Variants in NFU1 observed in about 807,000 individuals in gnomAD.
NFU1 encodes NFU1 iron-sulfur cluster scaffold homolog, mitochondrial.
In NFU1, 30 loss-of-function variants were observed where a neutral mutation model predicts 32.2. The ratio of observed to expected loss-of-function variants is 0.93; its 90% confidence interval spans 0.70 to 1.26. The LOEUF (loss-of-function observed/expected upper bound fraction) is 1.26. Ranked by LOEUF, NFU1 falls within the 50% of genes most tolerant of loss-of-function variation. The pLI, the probability that NFU1 is intolerant of heterozygous loss-of-function variation, is 0.00. For synonymous variants in NFU1, 112 were observed against 104.6 expected (o/e 1.07, Z -0.43); for missense variants, 306 against 306.6 (o/e 1.00, Z 0.02).
At chr2:69,411,528 G>A (rs1395024482) in intron 5 of NFU1, among the ~76,000 whole-genome samples, 1 of 152,090 alleles carries the variant, frequency 6.6e-6, no homozygotes, top group Non-Finnish European at 1.5e-5. Flanking sequence ...GATATCATTT[G>A]CTAAGAAAAT....
rs1673660133 is a variant in NFU1 at position 69,432,141 on chromosome 2, T to A, written c.63-136A>T. Reference sequence around the variant, plus strand: ...CAATAGAAATAATTAGAGAACTGACTTTTCATCTTCCATCTACATTATTTC... The same window carrying A: ...CAATAGAAATAATTAGAGAACTGACATTTCATCTTCCATCTACATTATTTC... On this transcript the variant is annotated intron_variant, in intron 1 of 7. Transcript: ENST00000410022. 3.5e-5 allele frequency: 23 copies of A among 661,600 alleles called. No individual in the cohort carries two copies. In the South Asian group the frequency reaches 3.9e-4, roughly 11 times the overall value. The allele number at this position is 661,600 out of a possible 1,614,324, so 41.0% of individuals were successfully genotyped here.
chr2:69,402,170 T>C (rs1034362684), intron 6 of NFU1, among the ~76,000 whole-genome samples: 3 of 152,158 alleles, frequency 2.0e-5, no homozygotes, highest in African/African-American at 7.2e-5. Context: ...GCCGGGATTA[T>C]GGGTGTCAGC....
At chr2:69,437,150 C>G in intron 1 of NFU1, 1 of 1,106,042 alleles carries the variant, frequency 9.0e-7, no homozygotes, top group Non-Finnish European at 1.3e-6. Context: ...AGAGGAAGCT[C>G]CAGAGAGTCC....
At chr2:69,403,417 G>C (rs1223824191) in intron 6 of NFU1, among the ~76,000 whole-genome samples, 1 of 151,154 alleles carries the variant, frequency 6.6e-6, no homozygotes, top group East Asian at 1.9e-4. Context: ...GTGAGACAGG[G>C]TCTTGTTCTA....
intron 5 of NFU1, among the ~76,000 whole-genome samples, chr2:69,409,428 C>T (rs1672807791): frequency 6.6e-6 from 1 of 152,138 alleles, no homozygotes. Context: ...TTGTGCATAT[C>T]TCTAAGACTC....
chr2:69,400,405 T>C lies in NFU1; in HGVS notation c.679A>G (p.Met227Val). ...ACCTCCGGAATATAAAACTGCAGCA[T>C]GTTCTGAATTCCATTTTTCAGAGTA... is the stretch of plus-strand genomic sequence containing the variant. ...IITLKNGIQN[M>V]LQFYIPEVEG... The change falls in exon 7 of 8, where the codon ATG becomes GTG. Residue 227 changes from methionine to valine, a missense_variant. Physicochemically the swap from Met to Val is conservative, Grantham distance 21. Coordinates refer to ENST00000410022, the MANE Select transcript of NFU1 (RefSeq NM_001002755.4). 1 of 1,614,192 alleles carries C rather than the reference T, an allele frequency of 6.2e-7. No individual in the cohort carries two copies. The highest frequency in any genetic ancestry group is 8.5e-7 in the Non-Finnish European group (1 of 1,180,020).
intron 7 of NFU1, 38 bp downstream of exon 7, chr2:69,400,326 A>G: frequency 6.3e-7 from 1 of 1,583,478 alleles, no homozygotes; most frequent in Non-Finnish European, 8.7e-7. Context: ...AAAAGAAAAA[A>G]TGAAAAAAAT....
intron 3 of NFU1, among the ~76,000 whole-genome samples, chr2:69,423,286 G>GTGTA (rs1280500088): frequency 1.0e-5 from 1 of 98,042 alleles, no homozygotes. Context: ...GTGTGTGTGT[G>GTGTA]TGTATGTGTG....
intron 5 of NFU1, among the ~76,000 whole-genome samples, chr2:69,412,083 G>A (rs138222135): frequency 2.6e-4 from 40 of 152,074 alleles, no homozygotes; most frequent in African/African-American, 9.4e-4. Flanking sequence ...ACGGAGTCTC[G>A]CTCTGTCACT....
intron 7 of NFU1, among the ~76,000 whole-genome samples, 198 bp from the exon 8 acceptor site, chr2:69,396,488 C>T (rs1251954503): frequency 6.6e-6 from 1 of 151,976 alleles, no homozygotes. Context: ...AAAGCAACCC[C>T]ATCTCTACTG....
intron 6 of NFU1, among the ~76,000 whole-genome samples, chr2:69,404,208 T>C (rs376669600): frequency 6.6e-6 from 1 of 150,814 alleles, no homozygotes. Flanking sequence ...TTGAAATATG[T>C]AGGCCGGGAG....
rs1574151522 is a variant in NFU1 at position 69,430,424 on chromosome 2, G to C, written c.166+1478C>G. ...AGACAGGGTTTGACCATGTTGCTGA[G>C]GCTGGTCTTGAACTTCTTGGGCTCA... On this transcript the variant is annotated intron_variant, in intron 2 of 7. Transcript: ENST00000410022. Among the ~76,000 whole-genome samples the C allele has an allele frequency of 2.6e-5, 4 of 152,072 alleles. No individual in the cohort carries two copies. In the South Asian group the frequency reaches 8.3e-4, roughly 32 times the overall value.
chr2:69,416,424 T>C lies in NFU1; in HGVS notation c.370-1125A>G, dbSNP rs374634351. 3.6e-4 allele frequency among the ~76,000 whole-genome samples: 54 copies of C among 150,154 alleles called. No homozygotes were observed. In the East Asian group the frequency reaches 6.0e-3, roughly 17 times the overall value. On this transcript the variant is annotated intron_variant, in intron 4 of 7. Coordinates refer to ENST00000410022, the MANE Select transcript of NFU1 (RefSeq NM_001002755.4). ...CATTGTTTTAATTTGATTTAAATGA[T>C]TAAAAGATGTTTTTCATGATGTGAA...
intron 7 of NFU1, among the ~76,000 whole-genome samples, chr2:69,399,903 G>A (rs1229394696): frequency 1.3e-5 from 2 of 149,320 alleles, no homozygotes; most frequent in East Asian, 2.0e-4. Flanking sequence ...ACGGAGTTTC[G>A]CTTTTGTTGC....
rs527645677 is a variant in NFU1, at chr2:69,396,329, AATGATTAG to A, written c.721-47_721-40del. 3,615 of 1,499,524 alleles carry A rather than the reference AATGATTAG, an allele frequency of 2.4e-3. 6 individuals are homozygous for A. The highest frequency in any genetic ancestry group is 2.9e-3 in the Non-Finnish European group (3,104 of 1,084,166). 92.9% of individuals were successfully genotyped at this position (1,499,524 alleles called of 1,614,324 possible). On this transcript the variant is annotated intron_variant, in intron 7 of 7. Coordinates refer to ENST00000410022, the MANE Select transcript of NFU1 (RefSeq NM_001002755.4). Reference sequence around the variant, plus strand: ...ACAAAGACAATTTAAGAATTAAGAAAATGATTAGATTTTGCTGTTTTCCTGATTTTAAT... The same window carrying A: ...ACAAAGACAATTTAAGAATTAAGAAAATTTTGCTGTTTTCCTGATTTTAAT...
intron 2 of NFU1, among the ~76,000 whole-genome samples, chr2:69,428,486 A>G (rs747099127): frequency 8.5e-5 from 13 of 152,100 alleles, no homozygotes; most frequent in Non-Finnish European, 1.6e-4. Context: ...AGCACTTTAC[A>G]TGTATTATAT....
At chr2:69,437,138 TGA>T in intron 1 of NFU1, 1 of 975,038 alleles carries the variant, frequency 1.0e-6, no homozygotes, top group Non-Finnish European at 1.5e-6. Context: ...TCTCTGAGCC[TGA>T]GAGGAAGCTC....
Position 69,423,567 on chromosome 2 carries a change from A to G in NFU1, c.302+15T>C. Reference sequence around the variant, plus strand: ...TTATGTTTCTTGGTAAAAGCAAATGAAAACAGTAATATACCTAGCCAGAGG... The same window carrying G: ...TTATGTTTCTTGGTAAAAGCAAATGGAAACAGTAATATACCTAGCCAGAGG... On this transcript the variant is annotated intron_variant, in intron 3 of 7. Coordinates refer to ENST00000410022, the MANE Select transcript of NFU1 (RefSeq NM_001002755.4). 1 of 1,608,126 alleles carries G rather than the reference A, an allele frequency of 6.2e-7. No individual in the cohort carries two copies. Among genetic ancestry groups the G allele is most frequent in the Non-Finnish European group, 8.5e-7 (1 of 1,177,722 alleles).
upstream of NFU1, among the ~76,000 whole-genome samples, chr2:69,438,436 T>C (rs1673932105): frequency 6.6e-6 from 1 of 151,950 alleles, no homozygotes; most frequent in African/African-American, 2.4e-5. Flanking sequence ...GCAGTAGTAG[T>C]AGTAGTATTT....
Sources: gnomAD v4.1 joint callset for allele counts (sites outside exome capture counted in the v4.1 genomes callset) on GRCh38, gnomAD v4.1.1 for gene constraint, MANE v1.5 for transcripts, NCBI Gene and HGNC (gene_info 2026-07-23, HGNC 2026-07-21) for gene names.